Variants in MGAT5 observed in about 807,000 individuals in gnomAD.
The protein encoded by MGAT5 is alpha-1,6-mannosylglycoprotein 6-beta-N-acetylglucosaminyltransferase, also known as alpha-1,6-mannosylglycoprotein 6-beta-N-acetylglucosaminyltransferase A.
A neutral mutation model predicts 94.3 loss-of-function variants in MGAT5; 30 were observed. The observed-to-expected ratio is 0.32, with a 90% confidence interval of 0.24 to 0.43. The LOEUF (loss-of-function observed/expected upper bound fraction) is 0.43. Ranked by LOEUF, MGAT5 falls within the 20% of genes least tolerant of loss-of-function variation. The pLI is 1.00. For missense variants in MGAT5, 691 were observed against 905.5 expected, an observed-to-expected ratio of 0.76 and a Z score of 3.04; for synonymous variants, 310 against 322.9, an observed-to-expected ratio of 0.96 and a Z score of 0.43.
At chr2:134,414,060 A>G (rs1329403709) in intron 12 of MGAT5, among the ~76,000 whole-genome samples, 1 of 152,070 alleles carries the variant, frequency 6.6e-6, no homozygotes, top group East Asian at 1.9e-4. Flanking sequence ...GCCAAAGGAG[A>G]TAGAAGTTCA....
rs994670327 is a variant in MGAT5 at position 134,454,445 on chromosome 2, A to T, written c.*5598A>T. ...CGTTTGCATCTGTGTCTTCAAACAG[A>T]TCCTGGTTACAGCCATTTTGTGTGA... On this transcript the variant is annotated 3_prime_UTR_variant, in exon 16 of 16. Coordinates refer to ENST00000281923, the MANE Select transcript of MGAT5 (RefSeq NM_002410.5). The T allele has an allele frequency of 6.6e-6, 1 of 152,178 alleles. No homozygotes were observed. The highest frequency in any genetic ancestry group is 1.5e-5 in the Non-Finnish European group (1 of 68,042). The allele number at this position is 152,178 out of a possible 1,614,324, so 9.4% of individuals were successfully genotyped here. A position where few individuals can be genotyped will look rare whatever the true frequency, so the allele number is the denominator to read the frequency against.
intron 1 of MGAT5, among the ~76,000 whole-genome samples, chr2:134,120,752 G>A (rs918823168): frequency 4.6e-5 from 7 of 151,926 alleles, no homozygotes. Context: ...TCGGGACCCA[G>A]GCGCACTGGG....
At chr2:134,344,874 CT>C in intron 7 of MGAT5, 55 bp from the exon 8 acceptor site, 1 of 1,584,660 alleles carries the variant, frequency 6.3e-7, no homozygotes, top group East Asian at 2.3e-5. Flanking sequence ...AGTTTATTAC[CT>C]TTTAAGTAAA....
At chr2:134,310,016 T>C (rs1686553993) in intron 2 of MGAT5, among the ~76,000 whole-genome samples, 1 of 152,196 alleles carries the variant, frequency 6.6e-6, no homozygotes, top group African/African-American at 2.4e-5. Context: ...CTTTATTCTT[T>C]TTATACATTA....
intron 1 of MGAT5, among the ~76,000 whole-genome samples, chr2:134,237,305 ACT>A (rs1681700472): frequency 6.6e-6 from 1 of 152,148 alleles, no homozygotes; most frequent in South Asian, 2.1e-4. Flanking sequence ...TCTGGATTCT[ACT>A]CTCTGTCATG....
chr2:134,362,356 T>C lies in MGAT5; in HGVS notation c.1328T>C (p.Ile443Thr). 6.2e-7 allele frequency: 1 copy of C among 1,614,068 alleles called. No homozygotes were observed. Among genetic ancestry groups the C allele is most frequent in the Non-Finnish European group, 8.5e-7 (1 of 1,179,990 alleles). Residue 443 changes from isoleucine (I) to threonine (T), a missense_variant, in exon 10 of 16, where the codon ATC (isoleucine) becomes ACC (threonine). This residue lies in a region of MGAT5 where 121 missense variants were observed against 206.1 expected (regional missense o/e 0.59). Coordinates refer to ENST00000281923, the MANE Select transcript of MGAT5 (RefSeq NM_002410.5). Reference protein sequence around the residue: ...NSSDIHHINEIKRQNQSLVYG... With the variant: ...NSSDIHHINETKRQNQSLVYG... ...AGTGATATCCACCACATTAATGAAA[T>C]CAAAAGGCAGAACCAGTCCCTTGTG...
At chr2:134,138,607 C>T (rs938916509) in intron 1 of MGAT5, among the ~76,000 whole-genome samples, 2 of 152,170 alleles carry the variant, frequency 1.3e-5, no homozygotes, top group South Asian at 2.1e-4. Flanking sequence ...GAGAACAGAC[C>T]TTTTGGGCAT....
intron 2 of MGAT5, among the ~76,000 whole-genome samples, chr2:134,274,778 G>A (rs917826192): frequency 2.6e-5 from 4 of 152,180 alleles, no homozygotes; most frequent in South Asian, 2.1e-4. Context: ...TAACTCAAGC[G>A]ACAGTTTCCT....
chr2:134,413,118 G>A, intron 12 of MGAT5, 103 bp downstream of exon 12: 3 of 1,339,940 alleles, frequency 2.2e-6, no homozygotes, highest in South Asian at 1.4e-5. Context: ...TTGGGTGGGA[G>A]GGTGAGGGTA....
chr2:134,200,266 G>A (rs1023415536), intron 1 of MGAT5, among the ~76,000 whole-genome samples: 17 of 151,894 alleles, frequency 1.1e-4, no homozygotes, highest in Non-Finnish European at 2.1e-4. Context: ...CACGCTTGAG[G>A]GGTTTAAACA....
intron 1 of MGAT5, among the ~76,000 whole-genome samples, chr2:134,200,160 C>G (rs1381649596): frequency 1.1e-5 from 1 of 89,848 alleles, no homozygotes; most frequent in East Asian, 4.0e-4. Flanking sequence ...TCCCCCCATT[C>G]CCCCCCTGCC....
intron 1 of MGAT5, among the ~76,000 whole-genome samples, chr2:134,159,173 A>G (rs1687612916): frequency 1.4e-5 from 2 of 146,104 alleles, no homozygotes; most frequent in Non-Finnish European, 3.0e-5. Context: ...CTTCTGGAGA[A>G]CACTGGTCTA....
intron 1 of MGAT5, among the ~76,000 whole-genome samples, chr2:134,218,681 T>C (rs956053656): frequency 2.0e-5 from 3 of 152,254 alleles, no homozygotes; most frequent in East Asian, 1.9e-4. Flanking sequence ...CCTGGTGTAC[T>C]GTGACTTCTG....
intron 10 of MGAT5, among the ~76,000 whole-genome samples, chr2:134,389,971 G>A (rs1293702561): frequency 1.3e-5 from 2 of 152,120 alleles, no homozygotes; most frequent in Non-Finnish European, 2.9e-5. Context: ...CGTTGGTGTG[G>A]TTTCATCACT....
At chr2:134,340,341 T>A (rs1688554935) in intron 6 of MGAT5, among the ~76,000 whole-genome samples, 1 of 152,148 alleles carries the variant, frequency 6.6e-6, no homozygotes, top group Non-Finnish European at 1.5e-5. Flanking sequence ...GTCAGGCACA[T>A]CTGTCTACCC....
chr2:134,284,057 T>G (rs1684863893), intron 2 of MGAT5, among the ~76,000 whole-genome samples: 1 of 152,198 alleles, frequency 6.6e-6, no homozygotes, highest in Admixed American at 6.5e-5. Context: ...CATCACATTA[T>G]CTTTGTTTCC....
intron 1 of MGAT5, among the ~76,000 whole-genome samples, chr2:134,124,968 AATT>A (rs1685774571): frequency 3.3e-5 from 5 of 152,174 alleles, no homozygotes; most frequent in Admixed American, 3.3e-4. Flanking sequence ...GTTTTTTAAA[AATT>A]ATTATTATAA....
In MGAT5 at chr2:134,317,534, A is replaced by G; in HGVS notation, c.412A>G (p.Ile138Val). ...TTGTTTTTCATTCTTCACAGATATC[A>G]TTAACGGAGCTCAAGAAAAATGTGT... The part of the protein sequence containing the change: ...ALEKINVADI[I>V]NGAQEKCVLP... The change falls in exon 3 of 16, where the codon ATT becomes GTT. Residue 138 changes from isoleucine to valine, a missense_variant. By Grantham distance (29) the Ile-to-Val change is conservative. Coordinates refer to ENST00000281923, the MANE Select transcript of MGAT5 (RefSeq NM_002410.5). The G allele has an allele frequency of 6.4e-7, 1 of 1,565,604 alleles. No individual in the cohort carries two copies. Among genetic ancestry groups the G allele is most frequent in the Non-Finnish European group, 8.6e-7 (1 of 1,157,522 alleles).
intron 1 of MGAT5, among the ~76,000 whole-genome samples, chr2:134,130,204 C>CCGCCCCACACCGCCCCACA (rs1686068390): frequency 1.7e-5 from 1 of 60,348 alleles, no homozygotes; most frequent in Non-Finnish European, 3.4e-5. Flanking sequence ...TGGAGCCCGC[C>CCGCCCCACACCGCCCCACA]CCGCCCCACA....
Sources: allele counts gnomAD v4.1 joint callset (sites outside exome capture counted in the v4.1 genomes callset), GRCh38; gene constraint gnomAD v4.1.1; regional missense constraint gnomAD v4.1.1; transcripts MANE v1.5; gene names NCBI Gene and HGNC (gene_info 2026-07-23, HGNC 2026-07-21).